Variants in CHODL observed in about 807,000 individuals in gnomAD.
The protein encoded by CHODL is chondrolectin.
CHODL carries 29 observed loss-of-function variants against 34.5 expected under a neutral mutation model. That is an observed-to-expected ratio of 0.84 (90% CI 0.63 to 1.15). The LOEUF is 1.15. Among genes scored for constraint, CHODL ranks in the 50% most tolerant of loss-of-function variants. The pLI, the probability that CHODL is intolerant of heterozygous loss-of-function variation, is 0.00. For synonymous variants in CHODL, 125 were observed against 116.1 expected, an observed-to-expected ratio of 1.08 and a Z score of -0.49; for missense variants, 332 against 332.5, an observed-to-expected ratio of 1.00 and a Z score of 0.01.
At chr21:18,225,952 C>G (rs1418817760) in intron 2 of CHODL, among the ~76,000 whole-genome samples, 4 of 152,042 alleles carry the variant, frequency 2.6e-5, no homozygotes, top group Non-Finnish European at 5.9e-5. Context: ...ATGCTCAAGA[C>G]TCATATCAAA....
At chr21:17,982,824 C>T (rs1299840988) in intron 1 of CHODL, among the ~76,000 whole-genome samples, 4 of 150,630 alleles carry the variant, frequency 2.7e-5, no homozygotes, top group Non-Finnish European at 5.9e-5. Flanking sequence ...TCTCCTGCCT[C>T]CTCAGCCTTC....
chr21:18,023,173 T>A (rs1019512269), intron 1 of CHODL, among the ~76,000 whole-genome samples: 3 of 152,018 alleles, frequency 2.0e-5, no homozygotes, highest in African/African-American at 7.2e-5. Context: ...AGGATACAGG[T>A]GGGTCTGATT....
At chr21:17,919,689 T>C (rs991117168) in intron 1 of CHODL, among the ~76,000 whole-genome samples, 73 of 152,202 alleles carry the variant, frequency 4.8e-4, no homozygotes, top group Non-Finnish European at 2.9e-5. Flanking sequence ...TTGTTACTTA[T>C]GCAAATTTAT....
upstream of CHODL, among the ~76,000 whole-genome samples, chr21:18,244,350 A>C (rs370856860): frequency 1.3e-5 from 2 of 152,320 alleles, no homozygotes; most frequent in South Asian, 4.1e-4. Context: ...GCTTGGAGAT[A>C]ATCTATTTGC....
chr21:18,108,907 A>G (rs946229380), intron 2 of CHODL, among the ~76,000 whole-genome samples: 3 of 150,040 alleles, frequency 2.0e-5, no homozygotes, highest in Non-Finnish European at 1.5e-5. Context: ...ACTATTTTGT[A>G]TCATGTAGTG....
chr21:18,187,042 C>T (rs967327580), intron 2 of CHODL, among the ~76,000 whole-genome samples: 17 of 152,084 alleles, frequency 1.1e-4, no homozygotes, highest in African/African-American at 3.6e-4. Context: ...GTAAAAGTTA[C>T]TGTACTATAA....
At chr21:18,200,170 T>A (rs1417584951) in intron 2 of CHODL, among the ~76,000 whole-genome samples, 3 of 152,182 alleles carry the variant, frequency 2.0e-5, no homozygotes, top group Non-Finnish European at 4.4e-5. Flanking sequence ...TAGTGTTGAT[T>A]TGGGTATTTT....
chr21:18,223,112 G>T (rs545038227), intron 2 of CHODL, among the ~76,000 whole-genome samples: 1 of 152,136 alleles, frequency 6.6e-6, no homozygotes, highest in African/African-American at 2.4e-5. Flanking sequence ...TAGGAGGTAT[G>T]TAATAACATA....
chr21:17,980,758 C>T (rs1409094207), intron 1 of CHODL, among the ~76,000 whole-genome samples: 1 of 152,172 alleles, frequency 6.6e-6, no homozygotes, highest in African/African-American at 2.4e-5. Flanking sequence ...ACACCTCATC[C>T]ACTCTATGAG....
intron 1 of CHODL, among the ~76,000 whole-genome samples, chr21:18,020,709 C>A (rs1455445627): frequency 2.0e-5 from 3 of 152,120 alleles, no homozygotes; most frequent in African/African-American, 4.8e-5. Flanking sequence ...ATGTTGAGGT[C>A]CTAACCCCTA....
chr21:18,018,713 G>A (rs1480035651), intron 1 of CHODL, among the ~76,000 whole-genome samples: 3 of 152,172 alleles, frequency 2.0e-5, no homozygotes, highest in African/African-American at 7.2e-5. Context: ...GGCCTAATAC[G>A]GGAGTGTGGG....
chr21:18,057,011 A>G (rs149165961), intron 2 of CHODL, among the ~76,000 whole-genome samples: 3 of 152,214 alleles, frequency 2.0e-5, no homozygotes, highest in East Asian at 1.9e-4. Flanking sequence ...AGGGACTGCA[A>G]TGTAGAGTTT....
chr21:17,927,150 G>GTGTATATATGTATATATT (rs1568801695), intron 1 of CHODL, among the ~76,000 whole-genome samples: 1 of 54,826 alleles, frequency 1.8e-5, no homozygotes, highest in African/African-American at 6.5e-5. Flanking sequence ...ATGTATATAT[G>GTGTATATATGTATATATT]TATATATATG....
At chr21:17,972,462 A>C (rs1346725017) in intron 1 of CHODL, among the ~76,000 whole-genome samples, 1 of 152,196 alleles carries the variant, frequency 6.6e-6, no homozygotes, top group Non-Finnish European at 1.5e-5. Flanking sequence ...TACAAAATCA[A>C]TGTGCAAAAA....
intron 2 of CHODL, among the ~76,000 whole-genome samples, chr21:18,166,855 T>G (rs1601094618): frequency 2.0e-5 from 3 of 152,142 alleles, no homozygotes; most frequent in East Asian, 3.9e-4. Flanking sequence ...CAATGTCATG[T>G]GGAACTGTGA....
At chr21:18,240,946 A>T (rs561758491), upstream of CHODL, among the ~76,000 whole-genome samples, 1 of 152,174 alleles carries the variant, frequency 6.6e-6, no homozygotes, top group Non-Finnish European at 1.5e-5. Context: ...ATAATTCTTC[A>T]TTATATTTCT....
chr21:18,142,545 C>T (rs2072815858), intron 2 of CHODL, among the ~76,000 whole-genome samples: 1 of 152,096 alleles, frequency 6.6e-6, no homozygotes, highest in Non-Finnish European at 1.5e-5. Context: ...GTCCCAGTTT[C>T]TGGTTTCAAG....
intron 2 of CHODL, among the ~76,000 whole-genome samples, chr21:18,085,436 T>C (rs1026385689): frequency 2.0e-5 from 3 of 152,180 alleles, no homozygotes; most frequent in African/African-American, 4.8e-5. Flanking sequence ...CTTCTTTGTG[T>C]GATTGTATTA....
At chr21:17,969,733 A>G (rs1480895857) in intron 1 of CHODL, among the ~76,000 whole-genome samples, 1 of 152,210 alleles carries the variant, frequency 6.6e-6, no homozygotes, top group Non-Finnish European at 1.5e-5. Context: ...AACAGCATGT[A>G]GTATAATGCC....
Sources: allele counts gnomAD v4.1 joint callset (sites outside exome capture counted in the v4.1 genomes callset), GRCh38; gene constraint gnomAD v4.1.1; transcripts MANE v1.5; gene names NCBI Gene and HGNC (gene_info 2026-07-23, HGNC 2026-07-21).